Variants in PIGN observed in about 807,000 individuals in gnomAD.
PIGN encodes the protein GPI ethanolamine phosphate transferase 1.
Under a neutral mutation model 125.4 loss-of-function variants are expected in PIGN, and 117 were observed. The observed-to-expected ratio is 0.93, with a 90% CI of 0.80 to 1.09. PIGN has a LOEUF of 1.09. Ranked by LOEUF, PIGN falls within the 50% of genes least tolerant of loss-of-function variation. The probability of loss-of-function intolerance (pLI) is 0.00; values close to 1 mark genes in which losing one functional copy is unlikely to be tolerated. For missense variants in PIGN, 1,075 were observed against 1,094.9 expected (o/e 0.98, Z 0.26); for synonymous variants, 392 against 377.8 (o/e 1.04, Z -0.44).
chr18:62,115,696 A>G (rs1434860945), intron 14 of PIGN, among the ~76,000 whole-genome samples: 1 of 152,120 alleles, frequency 6.6e-6, no homozygotes, highest in East Asian at 1.9e-4. Flanking sequence ...TTCTTTCAGA[A>G]TCTGAAACTC....
At chr18:62,151,450 G>A (rs1025243888) in intron 7 of PIGN, among the ~76,000 whole-genome samples, 1 of 152,162 alleles carries the variant, frequency 6.6e-6, no homozygotes, top group African/African-American at 2.4e-5. Context: ...CTGTCAGGGG[G>A]CACTCCACCA....
At chr18:62,176,607 T>C (rs1250236128) in intron 1 of PIGN, among the ~76,000 whole-genome samples, 3 of 150,626 alleles carry the variant, frequency 2.0e-5, no homozygotes, top group Admixed American at 6.6e-5. Flanking sequence ...AAAGAACATG[T>C]GGTATTCTTG....
chr18:62,140,993 G>C (rs139886228), intron 11 of PIGN, among the ~76,000 whole-genome samples: 20 of 152,138 alleles, frequency 1.3e-4, no homozygotes, highest in Non-Finnish European at 2.4e-4. Context: ...TCAATTTCTC[G>C]GAAGAGTTGT....
intron 23 of PIGN, among the ~76,000 whole-genome samples, chr18:62,028,600 G>A (rs910390983): frequency 6.6e-6 from 1 of 152,162 alleles, no homozygotes; most frequent in Admixed American, 6.5e-5. Flanking sequence ...TACTTAAATT[G>A]AAAAGCATTG....
At chr18:62,151,600 A>G (rs2147379568) in intron 7 of PIGN, among the ~76,000 whole-genome samples, 1 of 152,332 alleles carries the variant, frequency 6.6e-6, no homozygotes. Context: ...CGGCCAGCCT[A>G]TAAAGTCCTA....
chr18:62,121,858 T>C (rs2035318783), intron 14 of PIGN, among the ~76,000 whole-genome samples: 1 of 152,108 alleles, frequency 6.6e-6, no homozygotes, highest in South Asian at 2.1e-4. Flanking sequence ...CTTCAATATA[T>C]TGATTTCCTT....
Position 62,139,074 on chromosome 18 carries a change from C to T in PIGN, c.1025G>A (p.Gly342Glu). 6.3e-7 allele frequency: 1 copy of T among 1,585,788 alleles called. No homozygotes were observed. Among genetic ancestry groups the T allele is most frequent in the Non-Finnish European group, 8.6e-7 (1 of 1,159,962 alleles). ...GTTAAGATAATCCACAGGAAGGATT[C>T]CCTGAAAATAACAAACACCAGCTTA... Reference protein sequence around the residue: ...IGVPFPLNSVGILPVDYLNNT... With the variant: ...IGVPFPLNSVEILPVDYLNNT... The change falls in exon 13 of 31, where the codon GGA becomes GAA. Residue 342 changes from glycine (G) to glutamate (E), a missense_variant and splice_region_variant. This residue lies in a region of PIGN where 915 missense variants were observed against 908.7 expected (regional missense o/e 1.01). Coordinates refer to ENST00000640252, the MANE Select transcript of PIGN (RefSeq NM_176787.5).
chr18:62,141,023 G>T (rs374652088), intron 11 of PIGN, among the ~76,000 whole-genome samples: 1 of 151,906 alleles, frequency 6.6e-6, no homozygotes, highest in Non-Finnish European at 1.5e-5. Flanking sequence ...TTCTATCTTC[G>T]CTTCCTCACC....
chr18:62,159,100 C>T (rs1317150627), intron 4 of PIGN, among the ~76,000 whole-genome samples: 20 of 152,040 alleles, frequency 1.3e-4, no homozygotes, highest in Admixed American at 1.3e-3. Flanking sequence ...AAAAATTAGC[C>T]GGGCGTGGTG....
chr18:62,162,803 G>A (rs1444420039), intron 2 of PIGN, among the ~76,000 whole-genome samples: 1 of 152,006 alleles, frequency 6.6e-6, no homozygotes, highest in Non-Finnish European at 1.5e-5. Context: ...AGGCAGTTTA[G>A]AATAATAATC....
chr18:62,034,375 T>C (rs2030231214), intron 23 of PIGN, among the ~76,000 whole-genome samples: 1 of 152,146 alleles, frequency 6.6e-6, no homozygotes, highest in African/African-American at 2.4e-5. Flanking sequence ...ACTGGTGTAC[T>C]GCCTAGTGGA....
intron 23 of PIGN, among the ~76,000 whole-genome samples, chr18:62,092,404 A>G (rs1047139392): frequency 1.3e-5 from 2 of 152,246 alleles, no homozygotes; most frequent in South Asian, 2.1e-4. Context: ...TTCACACCCA[A>G]TGGCCCAAAT....
At chr18:62,025,529 G>A (rs1399806299) in intron 23 of PIGN, among the ~76,000 whole-genome samples, 1 of 152,078 alleles carries the variant, frequency 6.6e-6, no homozygotes, top group African/African-American at 2.4e-5. Flanking sequence ...GCACAGCCAG[G>A]GACTATTTCA....
intron 4 of PIGN, among the ~76,000 whole-genome samples, chr18:62,160,067 C>T (rs1281175550): frequency 6.6e-6 from 1 of 152,132 alleles, no homozygotes; most frequent in African/African-American, 2.4e-5. Context: ...GAGCTGAGAT[C>T]ACGCCACTGC....
At chr18:62,032,599 T>C (rs2144892414) in intron 23 of PIGN, among the ~76,000 whole-genome samples, 1 of 152,338 alleles carries the variant, frequency 6.6e-6, no homozygotes, top group East Asian at 1.9e-4. Context: ...GAAACAAAAA[T>C]CTACAGATGC....
At chr18:62,154,303 G>C in intron 7 of PIGN, 3 of 477,890 alleles carry the variant, frequency 6.3e-6, no homozygotes, top group Non-Finnish European at 1.1e-5. Flanking sequence ...AACTAGAAAC[G>C]AAAAACAGGT....
At chr18:62,054,902 C>T (rs909560142) in intron 30 of PIGN, among the ~76,000 whole-genome samples, 4 of 152,076 alleles carry the variant, frequency 2.6e-5, no homozygotes, top group South Asian at 2.1e-4. Flanking sequence ...CATGAACAGA[C>T]GTTTCATCAA....
At chr18:62,075,016 TTATTAAGTGCTCTGAA>T (rs2033100353) in intron 28 of PIGN, 195 bp from the exon 29 acceptor site, 1 of 441,900 alleles carries the variant, frequency 2.3e-6, no homozygotes, top group African/African-American at 2.0e-5. Flanking sequence ...GTAAAATGTG[TTATTAAGTGCTCTGAA>T]TATTTATTTC....
At chr18:62,039,241 G>C (rs1194179834), downstream of PIGN, among the ~76,000 whole-genome samples, 1 of 151,956 alleles carries the variant, frequency 6.6e-6, no homozygotes, top group African/African-American at 2.4e-5. Flanking sequence ...TAGTTTTATA[G>C]AAAATTTGCA....
Sources: allele counts gnomAD v4.1 joint callset (sites outside exome capture counted in the v4.1 genomes callset), GRCh38; gene constraint gnomAD v4.1.1; regional missense constraint gnomAD v4.1.1; transcripts MANE v1.5; gene names NCBI Gene and HGNC (gene_info 2026-07-23, HGNC 2026-07-21).